The following CELSR1 variants were observed in gnomAD, a reference collection of about 807,000 sequenced individuals.
CELSR1 encodes the protein adhesion G protein-coupled receptor C1.
CELSR1 carries 110 observed loss-of-function variants against 249.1 expected under a neutral mutation model. That is an observed-to-expected ratio of 0.44 (90% CI 0.38 to 0.52). The LOEUF is 0.52. CELSR1 is among the 20% of genes least tolerant of loss of function. CELSR1 has a pLI of 0.00. For synonymous variants in CELSR1, 2,113 were observed against 1,900.0 expected (o/e 1.11, Z -2.92); for missense variants, 4,109 against 4,296.4 (o/e 0.96, Z 1.22).
chr22:46,384,518 G>T (rs763161800), intron 20 of CELSR1, 25 bp downstream of exon 20: 2 of 1,569,418 alleles, frequency 1.3e-6, no homozygotes, highest in Non-Finnish European at 1.7e-6. Flanking sequence ...TCCGAGGGCA[G>T]CAGCAGGTTT....
chr22:46,440,690 C>G lies in CELSR1; in HGVS notation c.4184-1279G>C, dbSNP rs34550193. Among the ~76,000 whole-genome samples, 6 of 152,126 alleles carry G rather than the reference C, an allele frequency of 3.9e-5. No individual in the cohort carries two copies. Among genetic ancestry groups the G allele is most frequent in the Non-Finnish European group, 8.8e-5 (6 of 68,024 alleles). Reference sequence around the variant, plus strand: ...TCCTGCTCTTATTGTGTTATAGAAGCTCCTCGTAAATTATGGAAGGAACTA... The same window carrying G: ...TCCTGCTCTTATTGTGTTATAGAAGGTCCTCGTAAATTATGGAAGGAACTA... On this transcript the variant is annotated intron_variant, in intron 2 of 34. Transcript: ENST00000674500. This position sits in a 1 kb window ranked among gnomAD's most constrained non-coding sequence, Gnocchi z 4.7.
intron 1 of CELSR1, among the ~76,000 whole-genome samples, chr22:46,507,828 A>G (rs1445929899): frequency 6.6e-6 from 1 of 151,438 alleles, no homozygotes; most frequent in East Asian, 2.0e-4. Flanking sequence ...AGAACCTAAC[A>G]CAGCCCAGAG....
intron 2 of CELSR1, among the ~76,000 whole-genome samples, chr22:46,459,500 C>T (rs537762105): frequency 5.3e-5 from 8 of 152,332 alleles, no homozygotes; most frequent in South Asian, 2.1e-4. Context: ...CCTGGCCGGC[C>T]GTTGACCCTC....
In CELSR1 at chr22:46,409,303, CTG is replaced by C. The variant is rs2079303854; in HGVS notation, c.5060-143_5060-142del. The C allele has an allele frequency of 1.2e-6, 1 of 800,952 alleles. No homozygotes were observed. The highest frequency in any genetic ancestry group is 1.9e-6 in the Non-Finnish European group (1 of 524,364). The allele number at this position is 800,952 out of a possible 1,614,324, so 49.6% of individuals were successfully genotyped here. A position where few individuals can be genotyped will look rare whatever the true frequency, so the allele number is the denominator to read the frequency against. On this transcript the variant is annotated intron_variant, in intron 8 of 34. Coordinates refer to ENST00000674500, the MANE Select transcript of CELSR1 (RefSeq NM_001378328.1). This position sits in a 1 kb window ranked among gnomAD's most constrained non-coding sequence, Gnocchi z 9.8. ...ACGAAGGTGGGTCTGAGCCTCCCCTCTGTGACGCATCCAGCCCTCACAGTCAG... is the reference window on the plus strand; with the variant it reads ...ACGAAGGTGGGTCTGAGCCTCCCCTCTGACGCATCCAGCCCTCACAGTCAG...
chr22:46,410,705 AGAGG>A lies in CELSR1; in HGVS notation c.4770-148_4770-145del. On this transcript the variant is annotated intron_variant, in intron 6 of 34. Transcript: ENST00000674500. This position sits in a 1 kb window ranked among gnomAD's most constrained non-coding sequence, Gnocchi z 6.8. ...AGACAGGCGGGGAGAGGCCAAAGTC[AGAGG>A]GGGCTCCTGTGTCTGGTGCCGCCAC... 1.3e-6 allele frequency: 1 copy of A among 759,192 alleles called. No homozygotes were observed. The highest frequency in any genetic ancestry group is 2.1e-6 in the Non-Finnish European group (1 of 475,698). 47.0% of individuals were successfully genotyped at this position (759,192 alleles called of 1,614,324 possible). A position where few individuals can be genotyped will look rare whatever the true frequency, so the allele number is the denominator to read the frequency against.
chr22:46,507,648 G>A (rs2080528206), intron 1 of CELSR1, among the ~76,000 whole-genome samples: 1 of 152,020 alleles, frequency 6.6e-6, no homozygotes, highest in African/African-American at 2.4e-5. Context: ...CTCCTGCCTC[G>A]CCCGCAGTCT....
chr22:46,420,031 G>A (rs4823808), intron 5 of CELSR1, among the ~76,000 whole-genome samples: 4 of 147,404 alleles, frequency 2.7e-5, no homozygotes, highest in East Asian at 2.1e-4. Context: ...TGCACTTACC[G>A]ACACTCACAC....
rs2079351596 is a variant in CELSR1, at chr22:46,412,629, C to T, written c.4612-870G>A. ...CATCCGGGGACGAGCCCACTTTCCCCAGACAGCCCTCGCAGGTCTCAGCTC... is the reference window on the plus strand; with the variant it reads ...CATCCGGGGACGAGCCCACTTTCCCTAGACAGCCCTCGCAGGTCTCAGCTC... On this transcript the variant is annotated intron_variant, in intron 5 of 34. Transcript: ENST00000674500. This position sits in a 1 kb window ranked among gnomAD's most constrained non-coding sequence, Gnocchi z 4.5. Among the ~76,000 whole-genome samples, 1 of 152,190 alleles carries T rather than the reference C, an allele frequency of 6.6e-6. No individual in the cohort carries two copies. The highest frequency in any genetic ancestry group is 1.5e-5 in the Non-Finnish European group (1 of 68,040).
intron 22 of CELSR1, among the ~76,000 whole-genome samples, chr22:46,379,306 G>C (rs890572572): frequency 2.0e-5 from 3 of 152,208 alleles, no homozygotes; most frequent in African/African-American, 7.2e-5. Flanking sequence ...TATAAGGTGT[G>C]TCTCAGCTTC....
intron 2 of CELSR1, chr22:46,462,674 C>T: frequency 4.7e-6 from 1 of 212,034 alleles, no homozygotes; most frequent in South Asian, 5.6e-5. Context: ...ACAGACTATT[C>T]ACCACTGGGA....
At position 46,407,559 on chromosome 22, in the gene CELSR1, G is replaced by T. The variant is rs940122292; in HGVS notation, c.5226+1437C>A. 6.6e-6 allele frequency among the ~76,000 whole-genome samples: 1 copy of T among 152,080 alleles called. No individual in the cohort carries two copies. The highest frequency in any genetic ancestry group is 2.4e-5 in the African/African-American group (1 of 41,424). On this transcript the variant is annotated intron_variant, in intron 9 of 34. Coordinates refer to ENST00000674500, the MANE Select transcript of CELSR1 (RefSeq NM_001378328.1). This position sits in a 1 kb window ranked among gnomAD's most constrained non-coding sequence, Gnocchi z 4.8. ...AGGCAGGAGAATCGCTTGAACCTGG[G>T]GGGCAGAAGTTGCAGTGAGCTGAGG...
intron 5 of CELSR1, among the ~76,000 whole-genome samples, chr22:46,421,552 CT>C (rs2079472792): frequency 6.6e-6 from 1 of 152,178 alleles, no homozygotes; most frequent in African/African-American, 2.4e-5. Context: ...AACCAAGTGA[CT>C]TATCTGTCAC....
chr22:46,382,750 C>T (rs1334666275), intron 20 of CELSR1, among the ~76,000 whole-genome samples: 1 of 152,128 alleles, frequency 6.6e-6, no homozygotes, highest in Non-Finnish European at 1.5e-5. Flanking sequence ...GTTGCTGCGG[C>T]GCAGGTGAAC....
intron 1 of CELSR1, chr22:46,530,365 T>A (rs2080779759): frequency 6.7e-6 from 1 of 148,970 alleles, no homozygotes. Flanking sequence ...TTATATATAA[T>A]TCATTATATA....
At position 46,383,617 on chromosome 22, in the gene CELSR1, C is replaced by G. The variant is rs111633679; in HGVS notation, c.6883+926G>C. The stretch of plus-strand genomic sequence containing the variant: ...TCACAGCTCACTGCAGCCTCCATCT[C>G]CCGGACTCAAGCAATCCTCCCGCCT... On this transcript the variant is annotated intron_variant, in intron 20 of 34. Transcript: ENST00000674500. Among the ~76,000 whole-genome samples, 1,104 of 152,346 alleles carry G rather than the reference C, an allele frequency of 7.2e-3. 11 individuals are homozygous for G. The highest frequency in any genetic ancestry group is 0.022 in the African/African-American group (900 of 41,582).
intron 31 of CELSR1, 91 bp downstream of exon 31, chr22:46,365,495 G>T: frequency 6.5e-7 from 1 of 1,543,926 alleles, no homozygotes; most frequent in Admixed American, 1.9e-5. Context: ...TGGCGAGGCT[G>T]CTAGTGCTTC....
chr22:46,514,718 G>A lies in CELSR1; in HGVS notation c.3544+18909C>T, dbSNP rs193222558. Among the ~76,000 whole-genome samples the A allele has an allele frequency of 3.2e-3, 493 of 152,232 alleles. 5 individuals are homozygous for A. The highest frequency in any genetic ancestry group is 0.011 in the African/African-American group (467 of 41,536). ...CCGGGGCTGCAGGGCCGAGGCTCAC[G>A]GCTGGGCTCTGGAATAAGAGGGGTG... On this transcript the variant is annotated intron_variant, in intron 1 of 34. Transcript: ENST00000674500.
Position 46,533,941 on chromosome 22 carries a change from G to A in CELSR1, c.3230C>T (p.Thr1077Met), listed in dbSNP as rs142438731. 3,181 of 1,613,192 alleles carry A rather than the reference G, an allele frequency of 2.0e-3. 2 individuals are homozygous for A. The highest frequency in any genetic ancestry group is 2.6e-3 in the Non-Finnish European group (3,014 of 1,180,030). Residue 1077 changes from threonine to methionine, a missense_variant, in exon 1 of 35, where the codon ACG (threonine) becomes ATG (methionine). Physicochemically the swap from Thr to Met is moderately conservative, Grantham distance 81. Coordinates refer to ENST00000674500, the MANE Select transcript of CELSR1 (RefSeq NM_001378328.1). The stretch of plus-strand genomic sequence containing the variant: ...GGCTCGGCTCACCAGCGGAGCCGAC[G>A]TGGCCTGCACCACCAGCACATACTC... Reference protein sequence around the residue: ...RREYVLVVQATSAPLVSRATV... With the variant: ...RREYVLVVQAMSAPLVSRATV...
At chr22:46,452,323 C>T (rs183102544) in intron 2 of CELSR1, among the ~76,000 whole-genome samples, 45 of 152,312 alleles carry the variant, frequency 3.0e-4, no homozygotes, top group African/African-American at 9.9e-4. Context: ...TTTGCCAGGG[C>T]TCTTATGGCA....
Sources: allele counts gnomAD v4.1 joint callset (sites outside exome capture counted in the v4.1 genomes callset), GRCh38; gene constraint gnomAD v4.1.1; non-coding constraint Gnocchi (gnomAD v3.1); transcripts MANE v1.5; gene names NCBI Gene and HGNC (gene_info 2026-07-23, HGNC 2026-07-21).